The following P3H1 variants were observed in gnomAD, a reference collection of about 807,000 sequenced individuals.
The protein encoded by P3H1 is prolyl 3-hydroxylase 1, also known as growth suppressor 1.
A neutral mutation model predicts 84.0 loss-of-function variants in P3H1; 69 were observed. The observed-to-expected ratio is 0.82, with a 90% CI of 0.68 to 1.00. The LOEUF is 1.00. P3H1 is among the 50% of genes least tolerant of loss of function. P3H1 has a pLI of 0.00. For missense variants in P3H1, 878 were observed against 962.8 expected, an observed-to-expected ratio of 0.91 and a Z score of 1.17; for synonymous variants, 366 against 388.8, an observed-to-expected ratio of 0.94 and a Z score of 0.69.
chr1:42,755,008 C>G lies in P3H1; in HGVS notation c.1224-18G>C, dbSNP rs745816640. The G allele has an allele frequency of 1.2e-6, 2 of 1,614,174 alleles. No homozygotes were observed. The highest frequency in any genetic ancestry group is 1.7e-6 in the Non-Finnish European group (2 of 1,180,044). ...GTTCTGACCTATGAGCACAGCCGCT[C>G]TGAGGACTGCATTCCAGGGCCAGCC... On this transcript the variant is annotated intron_variant, in intron 7 of 14. Transcript: ENST00000296388.
Position 42,757,849 on chromosome 1 carries a change from G to T in P3H1, c.1014C>A (p.Asn338Lys). Reference sequence around the variant, plus strand: ...TAGCTGCATAATAGGCCAAATTTTGGTTCATCACCTCGTCATTGGGGAAGA... The same window carrying T: ...TAGCTGCATAATAGGCCAAATTTTGTTTCATCACCTCGTCATTGGGGAAGA... ...LLFFPNDEVM[N>K]QNLAYYAAML... Residue 338 changes from asparagine to lysine, a missense_variant, in exon 5 of 15, where the codon AAC (asparagine) becomes AAA (lysine). By Grantham distance (94) the Asn-to-Lys change is moderately conservative. Coordinates refer to ENST00000296388, the MANE Select transcript of P3H1 (RefSeq NM_022356.4). 6 of 1,614,220 alleles carry T rather than the reference G, an allele frequency of 3.7e-6. No individual in the cohort carries two copies. The highest frequency in any genetic ancestry group is 5.1e-6 in the Non-Finnish European group (6 of 1,180,040).
At chr1:42,762,898 T>A (rs1422397173) in intron 1 of P3H1, among the ~76,000 whole-genome samples, 1 of 151,860 alleles carries the variant, frequency 6.6e-6, no homozygotes, top group African/African-American at 2.4e-5. Flanking sequence ...TCAAGACCAG[T>A]CTGGGCAACA....
chr1:42,751,011 G>A (rs1238522207), intron 10 of P3H1, among the ~76,000 whole-genome samples: 2 of 112,076 alleles, frequency 1.8e-5, no homozygotes, highest in Admixed American at 8.3e-5. Flanking sequence ...CTGCCCGGCC[G>A]CCCCTACTGG....
At chr1:42,757,113 G>C (rs552513214) in intron 5 of P3H1, among the ~76,000 whole-genome samples, 2 of 152,256 alleles carry the variant, frequency 1.3e-5, no homozygotes, top group East Asian at 3.9e-4. Context: ...AACCAAACAA[G>C]ACAAAAGAGA....
At chr1:42,764,175 G>A (rs185327547) in intron 1 of P3H1, among the ~76,000 whole-genome samples, 14 of 151,986 alleles carry the variant, frequency 9.2e-5, no homozygotes, top group Admixed American at 3.9e-4. Context: ...CTGTAATCCC[G>A]CACTTTGGGA....
chr1:42,756,905 G>A (rs1224862189), intron 5 of P3H1, among the ~76,000 whole-genome samples: 1 of 152,216 alleles, frequency 6.6e-6, no homozygotes, highest in Non-Finnish European at 1.5e-5. Context: ...CAGGGTGGCT[G>A]TGATGATTAA....
At position 42,747,299 on chromosome 1, in the gene P3H1, G is replaced by A. The variant is rs757172944; in HGVS notation, c.2028C>T (p.Phe676=). 4 of 1,613,354 alleles carry A rather than the reference G, an allele frequency of 2.5e-6. No homozygotes were observed. Among genetic ancestry groups the A allele is most frequent in the Middle Eastern group, 1.7e-4 (1 of 6,056 alleles). ...GCTCGCTGTGTCGAGGGTCCAGGGT[G>A]AACCACAGGGCGATGGCACAGCGCT... ...RGQRCAIALW[F]TLDPRHSERD... is the part of the protein sequence containing the mutation. The change falls in exon 14 of 15, where the codon TTC becomes TTT. Residue 676 remains phenylalanine, a synonymous_variant. Coordinates refer to ENST00000296388, the MANE Select transcript of P3H1 (RefSeq NM_022356.4).
At chr1:42,765,317 A>G (rs1652931940) in intron 1 of P3H1, among the ~76,000 whole-genome samples, 1 of 152,172 alleles carries the variant, frequency 6.6e-6, no homozygotes, top group Non-Finnish European at 1.5e-5. Flanking sequence ...TTTGAAGTCT[A>G]ATTTCTCTGA....
chr1:42,760,977 T>A, intron 2 of P3H1: 1 of 20,252 alleles, frequency 4.9e-5, no homozygotes, highest in Non-Finnish European at 1.4e-4. Context: ...AAAGTCATTC[T>A]TTTTTTTTTT....
At chr1:42,753,730 G>C (rs920482702) in intron 8 of P3H1, among the ~76,000 whole-genome samples, 4 of 152,052 alleles carry the variant, frequency 2.6e-5, no homozygotes, top group Non-Finnish European at 4.4e-5. Flanking sequence ...AGACCAGCCT[G>C]GCCAACATGG....
At position 42,747,240 on chromosome 1, in the gene P3H1, C is replaced by CAGCTGCTCTCACCCGCTCG; in HGVS notation, c.2055+13_2055+31dup. 74 of 1,614,034 alleles carry CAGCTGCTCTCACCCGCTCG rather than the reference C, an allele frequency of 4.6e-5. No homozygotes were observed. The Admixed American group carries it at 9.0e-4, about 20-fold the overall frequency. ...CTCTGGGAACGGGTCACCACAGCACCAGCTGCTCTCACCCGCTCGAGCTGC... is the reference window on the plus strand; with the variant it reads ...CTCTGGGAACGGGTCACCACAGCACCAGCTGCTCTCACCCGCTCGAGCTGCTCTCACCCGCTCGAGCTGC... On this transcript the variant is annotated intron_variant, in intron 14 of 14. Coordinates refer to ENST00000296388, the MANE Select transcript of P3H1 (RefSeq NM_022356.4).
chr1:42,764,441 A>G (rs112552049), intron 1 of P3H1, among the ~76,000 whole-genome samples: 3,214 of 135,816 alleles, frequency 0.024, 88 homozygotes, highest in South Asian at 0.093. Flanking sequence ...AAAAAAAAAA[A>G]AAAGAAAGAA....
At chr1:42,766,006 G>T (rs1487307007) in intron 1 of P3H1, among the ~76,000 whole-genome samples, 1 of 89,876 alleles carries the variant, frequency 1.1e-5, no homozygotes, top group African/African-American at 4.3e-5. Context: ...TAGCCAGAGG[G>T]TCCCCCCCCC....
chr1:42,750,139 G>A, intron 11 of P3H1, 47 bp downstream of exon 11: 1 of 1,597,680 alleles, frequency 6.3e-7, no homozygotes, highest in Non-Finnish European at 8.5e-7. Context: ...GCACAGAGCT[G>A]AGGTACAGCA....
Position 42,754,644 on chromosome 1 carries a change from C to T in P3H1, c.1345+225G>A, listed in dbSNP as rs75941006. Among the ~76,000 whole-genome samples the T allele has an allele frequency of 3.4e-3, 525 of 152,260 alleles. 3 individuals carry two copies. The highest frequency in any genetic ancestry group is 0.012 in the African/African-American group (500 of 41,554). ...CTGGGATTACGGGTGTGCACCACTACATCCTGGAGTCTGATTTCTGAGCCA... is the reference window on the plus strand; with the variant it reads ...CTGGGATTACGGGTGTGCACCACTATATCCTGGAGTCTGATTTCTGAGCCA... On this transcript the variant is annotated intron_variant, in intron 8 of 14. Transcript: ENST00000296388. The surrounding 1 kb of genome is among the most constrained non-coding windows in gnomAD (Gnocchi z 4.0).
intron 1 of P3H1, among the ~76,000 whole-genome samples, chr1:42,765,214 T>A (rs1292690068): frequency 6.6e-6 from 1 of 152,190 alleles, no homozygotes; most frequent in Non-Finnish European, 1.5e-5. Flanking sequence ...CCTGAATACA[T>A]CATGCTTTGG....
At chr1:42,763,532 C>T (rs993186568) in intron 1 of P3H1, among the ~76,000 whole-genome samples, 2 of 151,318 alleles carry the variant, frequency 1.3e-5, no homozygotes, top group Non-Finnish European at 2.9e-5. Context: ...ATTAGCTGGG[C>T]GTTGTGGCGC....
At chr1:42,764,225 C>A (rs1652873236) in intron 1 of P3H1, among the ~76,000 whole-genome samples, 1 of 151,698 alleles carries the variant, frequency 6.6e-6, no homozygotes, top group Non-Finnish European at 1.5e-5. Flanking sequence ...AGATCCAGAC[C>A]ATCCTGGCCA....
At chr1:42,750,156 G>T (rs760593050) in intron 11 of P3H1, 30 bp downstream of exon 11, 3 of 1,607,226 alleles carry the variant, frequency 1.9e-6, no homozygotes, top group South Asian at 2.2e-5. Flanking sequence ...AGCATGCGGG[G>T]GCGGGTGCTG....
Sources: allele counts gnomAD v4.1 joint callset (sites outside exome capture counted in the v4.1 genomes callset), GRCh38; gene constraint gnomAD v4.1.1; non-coding constraint Gnocchi (gnomAD v3.1); transcripts MANE v1.5; gene names NCBI Gene and HGNC (gene_info 2026-07-23, HGNC 2026-07-21).